KANK1: variants seen among roughly 807,000 people sequenced by gnomAD.
KANK1 encodes KN motif and ankyrin repeat domains 1, also known as KN motif and ankyrin repeat domain-containing protein 1.
In KANK1, 109 loss-of-function variants were observed where a neutral mutation model predicts 106.2. That is an observed-to-expected ratio of 1.03 (90% CI 0.88 to 1.20). The LOEUF (loss-of-function observed/expected upper bound fraction) is 1.20, where lower values mean the gene tolerates loss of function less well. Among genes scored for constraint, KANK1 ranks in the 50% most tolerant of loss-of-function variants. The probability of loss-of-function intolerance (pLI) is 0.00; values close to 1 mark genes in which losing one functional copy is unlikely to be tolerated. For synonymous variants in KANK1, 873 were observed against 652.2 expected (o/e 1.34, Z -5.16); for missense variants, 2,399 against 1,710.7 (o/e 1.40, Z -7.10).
chr9:545,937 A>G (rs182223963), intron 1 of KANK1, among the ~76,000 whole-genome samples: 275 of 151,852 alleles, frequency 1.8e-3, no homozygotes, highest in African/African-American at 6.1e-3. Context: ...TAGTAGAGAC[A>G]GGGTTTTGCT....
chr9:738,301 C>G lies in KANK1; in HGVS notation c.3350C>G (p.Thr1117Ser), dbSNP rs1372708173. 5.6e-6 allele frequency: 9 copies of G among 1,612,998 alleles called. No homozygotes were observed. The highest frequency in any genetic ancestry group is 1.7e-6 in the Non-Finnish European group (2 of 1,179,550). ...TSKDMRFCLN[T>S]LQHEWFRVSS... Reference sequence around the variant, plus strand: ...TTTTGGCAGAGGTTCTGTCTGAACACCCTCCAGCACGAGTGGTTCCGCGTG... The same window carrying G: ...TTTTGGCAGAGGTTCTGTCTGAACAGCCTCCAGCACGAGTGGTTCCGCGTG... The change falls in exon 8 of 12, where the codon ACC (threonine) becomes AGC (serine). Residue 1117 changes from threonine (T) to serine (S), a missense_variant. Transcript: ENST00000382297.
chr9:635,539 T>G (rs542177343), intron 1 of KANK1, among the ~76,000 whole-genome samples: 39 of 152,252 alleles, frequency 2.6e-4, no homozygotes, highest in Non-Finnish European at 2.9e-4. Context: ...TATCAGCCCC[T>G]TGAGACTGGA....
At chr9:725,054 TGAG>T (rs1457140910) in intron 3 of KANK1, among the ~76,000 whole-genome samples, 1 of 152,112 alleles carries the variant, frequency 6.6e-6, no homozygotes, top group African/African-American at 2.4e-5. Flanking sequence ...GTATGTGTGT[TGAG>T]GAGGAAGTTG....
At chr9:525,649 G>A (rs2059756739) in intron 1 of KANK1, among the ~76,000 whole-genome samples, 1 of 151,610 alleles carries the variant, frequency 6.6e-6, no homozygotes, top group South Asian at 2.1e-4. Context: ...CCAAAGTGAG[G>A]CATACAAAAA....
At chr9:569,665 C>T (rs921377077) in intron 1 of KANK1, among the ~76,000 whole-genome samples, 4 of 152,138 alleles carry the variant, frequency 2.6e-5, no homozygotes, top group African/African-American at 7.2e-5. Flanking sequence ...TGAGACAATA[C>T]GTATATTCTA....
intron 1 of KANK1, among the ~76,000 whole-genome samples, chr9:528,395 T>C (rs1333524320): frequency 1.3e-5 from 2 of 151,860 alleles, no homozygotes; most frequent in African/African-American, 4.8e-5. Context: ...TTCTATGTCT[T>C]GGTCTTTTTA....
chr9:491,270 A>ATTTTTTTTT (rs1313946480), intron 3 of KANK1, among the ~76,000 whole-genome samples: 1 of 140,744 alleles, frequency 7.1e-6, no homozygotes, highest in African/African-American at 2.8e-5. Context: ...CCTGGAGTGC[A>ATTTTTTTTT]TTTTCTTTTT....
chr9:515,202 A>G lies in KANK1; in HGVS notation c.-84+10448A>G, dbSNP rs544932603. ...ACTAAAAAAATACAAAAGATTAGCC[A>G]GGCGTGGTGGCGGGAGCCTGTAGTC... On this transcript the variant is annotated intron_variant, in intron 1 of 11. Transcript: ENST00000382297. Among the ~76,000 whole-genome samples, 879 of 151,594 alleles carry G rather than the reference A, an allele frequency of 5.8e-3. 9 individuals carry two copies. The highest frequency in any genetic ancestry group is 9.3e-3 in the Non-Finnish European group (630 of 67,990).
At chr9:473,537 G>T (rs1245083000) in intron 3 of KANK1, among the ~76,000 whole-genome samples, 1 of 152,140 alleles carries the variant, frequency 6.6e-6, no homozygotes, top group Non-Finnish European at 1.5e-5. Flanking sequence ...CTACAATGAG[G>T]CTTACTTGGG....
chr9:521,850 G>T (rs1490729521), intron 1 of KANK1, among the ~76,000 whole-genome samples: 1 of 151,650 alleles, frequency 6.6e-6, no homozygotes, highest in Non-Finnish European at 1.5e-5. Flanking sequence ...TTACAGGCAT[G>T]AGCCACTGTG....
chr9:592,946 T>C (rs1825329964), intron 1 of KANK1, among the ~76,000 whole-genome samples: 1 of 151,892 alleles, frequency 6.6e-6, no homozygotes, highest in Non-Finnish European at 1.5e-5. Context: ...GCATGCTGGT[T>C]CAATACCAAG....
At chr9:518,943 T>A (rs970638012) in intron 1 of KANK1, among the ~76,000 whole-genome samples, 5 of 151,198 alleles carry the variant, frequency 3.3e-5, no homozygotes, top group Admixed American at 3.3e-4. Context: ...CAGGCTGGAG[T>A]GCAATGGCAT....
chr9:604,514 C>T (rs1462694024), intron 1 of KANK1, among the ~76,000 whole-genome samples: 1 of 151,712 alleles, frequency 6.6e-6, no homozygotes, highest in African/African-American at 2.4e-5. Context: ...AGGTCCTTGC[C>T]TCCCCTTGGC....
At chr9:491,383 T>G (rs768591247) in intron 3 of KANK1, among the ~76,000 whole-genome samples, 3 of 151,918 alleles carry the variant, frequency 2.0e-5, no homozygotes, top group Admixed American at 6.6e-5. Context: ...TTCTCCTGCC[T>G]CAGCCTCCTG....
chr9:480,013 T>G (rs1248035059), intron 3 of KANK1, among the ~76,000 whole-genome samples: 1 of 152,202 alleles, frequency 6.6e-6, no homozygotes, highest in Non-Finnish European at 1.5e-5. Context: ...TATAACAGGT[T>G]TACAATCCAC....
At chr9:617,855 G>T (rs1242755331) in intron 1 of KANK1, among the ~76,000 whole-genome samples, 1 of 152,160 alleles carries the variant, frequency 6.6e-6, no homozygotes, top group Non-Finnish European at 1.5e-5. Flanking sequence ...TCTGTCTTTT[G>T]TGAAAAAGAA....
intron 1 of KANK1, among the ~76,000 whole-genome samples, chr9:544,047 A>G (rs1371815430): frequency 1.3e-5 from 2 of 150,962 alleles, no homozygotes; most frequent in Non-Finnish European, 3.0e-5. Context: ...TATTTTTGAG[A>G]CAATGTTCTG....
In KANK1 at chr9:518,406, G is replaced by C. The variant is rs375368489; in HGVS notation, c.-84+13652G>C. On this transcript the variant is annotated intron_variant, in intron 1 of 11. Transcript: ENST00000382297. ...CCCTCCTTGACCCCCAGTGGCCCAG[G>C]GCAGTTTTTACTTTACCGTTTCTTC... 2.1e-5 allele frequency among the ~76,000 whole-genome samples: 3 copies of C among 142,840 alleles called. No homozygotes were observed. The South Asian group carries it at 6.4e-4, about 30-fold the overall frequency. 93.7% of individuals were successfully genotyped at this position (142,840 alleles called of 152,430 possible). A position where few individuals can be genotyped will look rare whatever the true frequency, so the allele number is the denominator to read the frequency against.
At chr9:523,619 C>A (rs1009231155) in intron 1 of KANK1, among the ~76,000 whole-genome samples, 1 of 151,706 alleles carries the variant, frequency 6.6e-6, no homozygotes, top group Admixed American at 6.6e-5. Context: ...TGTGCTCGCC[C>A]CCACCTCTGC....
Sources: gnomAD v4.1 joint callset for allele counts (sites outside exome capture counted in the v4.1 genomes callset) on GRCh38, gnomAD v4.1.1 for gene constraint, MANE v1.5 for transcripts, NCBI Gene and HGNC (gene_info 2026-07-23, HGNC 2026-07-21) for gene names.